NLGN1: variants seen among roughly 807,000 people sequenced by gnomAD.
The protein encoded by NLGN1 is neuroligin-1.
A neutral mutation model predicts 65.5 loss-of-function variants in NLGN1; 12 were observed. That is an observed-to-expected ratio of 0.18 (90% CI 0.12 to 0.30). The LOEUF is 0.30. Among genes scored for constraint, NLGN1 ranks in the 10% least tolerant of loss-of-function variants. The pLI, the probability that NLGN1 is intolerant of heterozygous loss-of-function variation, is 1.00. For synonymous variants in NLGN1, 350 were observed against 359.5 expected, an observed-to-expected ratio of 0.97 and a Z score of 0.30; for missense variants, 750 against 1,007.1, an observed-to-expected ratio of 0.74 and a Z score of 3.46.
At chr3:174,091,540 C>T (rs1163423291) in intron 4 of NLGN1, among the ~76,000 whole-genome samples, 3 of 152,158 alleles carry the variant, frequency 2.0e-5, no homozygotes, top group African/African-American at 7.2e-5. Flanking sequence ...TTTGTTCATT[C>T]ACAACAAATT....
chr3:173,716,211 A>G (rs1206764583), intron 3 of NLGN1, among the ~76,000 whole-genome samples: 1 of 152,184 alleles, frequency 6.6e-6, no homozygotes, highest in Non-Finnish European at 1.5e-5. Flanking sequence ...ATTAATCTTT[A>G]CAAGCATTTC....
intron 4 of NLGN1, among the ~76,000 whole-genome samples, chr3:173,895,890 G>A (rs1003162611): frequency 2.6e-5 from 4 of 151,848 alleles, no homozygotes; most frequent in East Asian, 1.9e-4. Flanking sequence ...GGGTTTTGCC[G>A]TGTTGGTCAG....
chr3:174,013,768 A>G (rs1726008419), intron 4 of NLGN1, among the ~76,000 whole-genome samples: 2 of 152,118 alleles, frequency 1.3e-5, no homozygotes, highest in African/African-American at 2.4e-5. Context: ...GGCTGGAGTG[A>G]GATGAGGTGA....
At chr3:174,223,788 C>A (rs149013019) in intron 4 of NLGN1, among the ~76,000 whole-genome samples, 33 of 152,214 alleles carry the variant, frequency 2.2e-4, no homozygotes, top group African/African-American at 7.7e-4. Context: ...CAAATCACCA[C>A]ATGACTTGGT....
At chr3:173,796,118 A>G (rs1417357193) in intron 3 of NLGN1, among the ~76,000 whole-genome samples, 1 of 152,138 alleles carries the variant, frequency 6.6e-6, no homozygotes, top group Non-Finnish European at 1.5e-5. Flanking sequence ...GATATGTGTG[A>G]CACAAAGTAT....
At chr3:174,165,231 C>A (rs1727280906) in intron 4 of NLGN1, among the ~76,000 whole-genome samples, 1 of 151,950 alleles carries the variant, frequency 6.6e-6, no homozygotes, top group Non-Finnish European at 1.5e-5. Context: ...ATTTCCAGTA[C>A]TATATTGAAT....
chr3:174,174,191 T>TA (rs991865144), intron 4 of NLGN1, among the ~76,000 whole-genome samples: 20 of 152,118 alleles, frequency 1.3e-4, no homozygotes, highest in African/African-American at 4.8e-4. Context: ...ATCCATTGTA[T>TA]ATATATACCA....
chr3:173,858,370 C>G (rs1728398769), intron 4 of NLGN1, among the ~76,000 whole-genome samples: 1 of 152,034 alleles, frequency 6.6e-6, no homozygotes, highest in African/African-American at 2.4e-5. Context: ...TTGTCATTTT[C>G]TCTTCTAGGA....
At chr3:174,032,251 G>A (rs1047077457) in intron 4 of NLGN1, among the ~76,000 whole-genome samples, 7 of 152,084 alleles carry the variant, frequency 4.6e-5, no homozygotes, top group Non-Finnish European at 7.4e-5. Context: ...GGAACAAAGG[G>A]AATTTCTAGT....
intron 2 of NLGN1, among the ~76,000 whole-genome samples, chr3:173,490,919 G>A (rs928001001): frequency 1.9e-4 from 29 of 151,318 alleles, no homozygotes; most frequent in Non-Finnish European, 2.8e-4. Context: ...GTATAAGAAT[G>A]CTTGTGATTT....
chr3:174,169,925 A>G (rs997565481), intron 4 of NLGN1, among the ~76,000 whole-genome samples: 2 of 152,068 alleles, frequency 1.3e-5, no homozygotes, highest in Non-Finnish European at 2.9e-5. Flanking sequence ...GGCTTGGGAG[A>G]GGCAAAGTCC....
At chr3:173,579,572 C>T (rs564004170) in intron 2 of NLGN1, among the ~76,000 whole-genome samples, 1 of 152,336 alleles carries the variant, frequency 6.6e-6, no homozygotes, top group Non-Finnish European at 1.5e-5. Context: ...AAAGATACAT[C>T]TGGTATATTT....
intron 4 of NLGN1, among the ~76,000 whole-genome samples, chr3:174,185,768 A>T (rs1731275630): frequency 6.6e-6 from 1 of 151,356 alleles, no homozygotes; most frequent in Non-Finnish European, 1.5e-5. Context: ...CTGCTTTTTA[A>T]AAAAATGTCA....
intron 3 of NLGN1, among the ~76,000 whole-genome samples, chr3:173,745,778 T>C (rs1775273806): frequency 6.6e-6 from 1 of 152,128 alleles, no homozygotes; most frequent in Non-Finnish European, 1.5e-5. Flanking sequence ...GAACAGATAC[T>C]CCAGAAAGAA....
intron 1 of NLGN1, among the ~76,000 whole-genome samples, chr3:173,419,474 C>A (rs1256066109): frequency 6.6e-6 from 1 of 151,886 alleles, no homozygotes; most frequent in East Asian, 1.9e-4. Context: ...TGTTTATGAT[C>A]ATGCTGATCT....
At chr3:173,914,716 C>T (rs1255718610) in intron 4 of NLGN1, among the ~76,000 whole-genome samples, 1 of 152,086 alleles carries the variant, frequency 6.6e-6, no homozygotes, top group African/African-American at 2.4e-5. Flanking sequence ...AGACTAAAAC[C>T]AACATGAATC....
chr3:173,501,927 G>A (rs1478369786), intron 2 of NLGN1, among the ~76,000 whole-genome samples: 1 of 152,028 alleles, frequency 6.6e-6, no homozygotes, highest in African/African-American at 2.4e-5. Flanking sequence ...CCTTGGTACA[G>A]TCATGGTCTT....
chr3:173,883,056 C>G (rs1384303942), intron 4 of NLGN1, among the ~76,000 whole-genome samples: 1 of 149,284 alleles, frequency 6.7e-6, no homozygotes, highest in Non-Finnish European at 1.5e-5. Context: ...CCTTCAAGAA[C>G]ATTTTCTTTG....
intron 3 of NLGN1, among the ~76,000 whole-genome samples, chr3:173,638,262 G>A (rs1756902242): frequency 6.6e-6 from 1 of 151,484 alleles, no homozygotes; most frequent in Non-Finnish European, 1.5e-5. Flanking sequence ...CCAGGCTGAG[G>A]AAGTGTAATT....
Sources: allele counts gnomAD v4.1 joint callset (sites outside exome capture counted in the v4.1 genomes callset), GRCh38; gene constraint gnomAD v4.1.1; transcripts MANE v1.5; gene names NCBI Gene and HGNC (gene_info 2026-07-23, HGNC 2026-07-21).